HMGN3: variants seen among roughly 807,000 people sequenced by gnomAD.
HMGN3 encodes the protein high mobility group nucleosomal binding domain 3.
A neutral mutation model predicts 18.8 loss-of-function variants in HMGN3; 6 were observed. The observed-to-expected ratio is 0.32, with a 90% CI of 0.18 to 0.63. The LOEUF is 0.63. Ranked by LOEUF, HMGN3 falls within the 30% of genes least tolerant of loss-of-function variation. The pLI is 0.79. For synonymous variants in HMGN3, 40 were observed against 36.5 expected (o/e 1.10, Z -0.35); for missense variants, 107 against 114.2 (o/e 0.94, Z 0.29).
intron 1 of HMGN3, among the ~76,000 whole-genome samples, chr6:79,224,423 C>A (rs1777458629): frequency 6.6e-6 from 1 of 152,304 alleles, no homozygotes; most frequent in Non-Finnish European, 1.5e-5. Flanking sequence ...TATTCTCCAT[C>A]ATTCATGAGC....
intron 1 of HMGN3, among the ~76,000 whole-genome samples, chr6:79,217,277 G>A (rs1048205433): frequency 6.6e-5 from 10 of 152,122 alleles, no homozygotes; most frequent in African/African-American, 2.4e-4. Flanking sequence ...AATCTTTACC[G>A]GGGATCAGTG....
intron 3 of HMGN3, among the ~76,000 whole-genome samples, chr6:79,204,010 G>T (rs1776281778): frequency 6.6e-6 from 1 of 152,328 alleles, no homozygotes; most frequent in South Asian, 2.1e-4. Context: ...AGTTGCACTG[G>T]CCTTCCTAAC....
At chr6:79,211,446 G>A (rs1582411494) in intron 2 of HMGN3, among the ~76,000 whole-genome samples, 2 of 147,466 alleles carry the variant, frequency 1.4e-5, no homozygotes, top group South Asian at 2.2e-4. Flanking sequence ...GGAAAAAAAA[G>A]CTATTAAGAA....
rs75285311 is a variant in HMGN3, at chr6:79,228,088, G to A, written c.15+6458C>T. Among the ~76,000 whole-genome samples the A allele has an allele frequency of 3.6e-3, 547 of 152,234 alleles. 5 individuals carry two copies. The highest frequency in any genetic ancestry group is 0.012 in the African/African-American group (504 of 41,538). ...CCTTTTAACTGAACAACACTCTTTCGCAGTGTTTCTTCTTTGGACATTCAG... is the reference window on the plus strand; with the variant it reads ...CCTTTTAACTGAACAACACTCTTTCACAGTGTTTCTTCTTTGGACATTCAG... On this transcript the variant is annotated intron_variant, in intron 1 of 5. Transcript: ENST00000344726.
Position 79,214,982 on chromosome 6 carries a change from GT to G in HMGN3, c.55del (p.Thr19LeufsTer76). ...CAAAGATATACTTACCTCCTGTTTAGTTACTTTGGATCCATCTTTGCCCTCT... is the reference window on the plus strand; with the variant it reads ...CAAAGATATACTTACCTCCTGTTTAGTACTTTGGATCCATCTTTGCCCTCT... On this transcript the variant is annotated frameshift_variant, in exon 2 of 6. Transcript: ENST00000344726. LOFTEE classifies it high-confidence loss of function. 2.0e-6 allele frequency: 3 copies of G among 1,502,896 alleles called. No homozygotes were observed. Among genetic ancestry groups the G allele is most frequent in the Non-Finnish European group, 2.7e-6 (3 of 1,094,772 alleles). 93.1% of individuals were successfully genotyped at this position (1,502,896 alleles called of 1,614,324 possible). A position where few individuals can be genotyped will look rare whatever the true frequency, so the allele number is the denominator to read the frequency against.
chr6:79,232,171 G>A (rs1463818273), intron 1 of HMGN3, among the ~76,000 whole-genome samples: 2 of 152,148 alleles, frequency 1.3e-5, no homozygotes, highest in East Asian at 3.9e-4. Context: ...AAATGCTTTG[G>A]CAGTTACCCC....
At chr6:79,224,919 A>T (rs910740877) in intron 1 of HMGN3, among the ~76,000 whole-genome samples, 1 of 152,210 alleles carries the variant, frequency 6.6e-6, no homozygotes, top group South Asian at 2.1e-4. Context: ...TGCAAAACTA[A>T]TCAGCTGGCT....
intron 2 of HMGN3, among the ~76,000 whole-genome samples, chr6:79,212,555 G>T (rs1161083590): frequency 1.3e-5 from 2 of 152,180 alleles, no homozygotes; most frequent in Non-Finnish European, 2.9e-5. Context: ...GGAATAATCT[G>T]CCTTCCTCTC....
chr6:79,205,374 G>A (rs554674745), intron 3 of HMGN3, among the ~76,000 whole-genome samples: 8 of 152,284 alleles, frequency 5.3e-5, no homozygotes, highest in African/African-American at 1.9e-4. Flanking sequence ...GAATTATGGG[G>A]GTGGGTCTTT....
chr6:79,229,468 A>C (rs1777729889), intron 1 of HMGN3, among the ~76,000 whole-genome samples: 1 of 152,218 alleles, frequency 6.6e-6, no homozygotes, highest in Non-Finnish European at 1.5e-5. Flanking sequence ...CAGAAATATA[A>C]ATTAAAATTC....
intron 3 of HMGN3, among the ~76,000 whole-genome samples, chr6:79,207,774 GC>G: frequency 1.3e-5 from 2 of 152,216 alleles, no homozygotes; most frequent in Middle Eastern, 6.8e-3. Context: ...GACCAAAGTA[GC>G]ATGAAGCTTC....
chr6:79,203,471 GT>G (rs1476731310), intron 4 of HMGN3, 108 bp downstream of exon 4: 2 of 951,604 alleles, frequency 2.1e-6, no homozygotes, highest in African/African-American at 3.3e-5. Flanking sequence ...AGTGGTAATG[GT>G]TTCAGTTTGG....
At chr6:79,207,956 G>GT (rs1776499640) in intron 3 of HMGN3, among the ~76,000 whole-genome samples, 1 of 152,174 alleles carries the variant, frequency 6.6e-6, no homozygotes, top group Non-Finnish European at 1.5e-5. Flanking sequence ...ATAAGAACCA[G>GT]TAAGGAGCAC....
chr6:79,226,370 G>A lies in HMGN3; in HGVS notation c.15+8176C>T, dbSNP rs564646856. ...TTTCTCATATGTAAAATGAGAACGGGAAACGGACACACCTTACTGGGTGGT... is the reference window on the plus strand; with the variant it reads ...TTTCTCATATGTAAAATGAGAACGGAAAACGGACACACCTTACTGGGTGGT... On this transcript the variant is annotated intron_variant, in intron 1 of 5. Coordinates refer to ENST00000344726, the Ensembl canonical transcript of HMGN3. Among the ~76,000 whole-genome samples the A allele has an allele frequency of 6.4e-4, 97 of 152,234 alleles. 1 individual carries two copies. In the South Asian group the frequency reaches 0.011, roughly 17 times the overall value.
intron 1 of HMGN3, among the ~76,000 whole-genome samples, chr6:79,230,327 T>C (rs1582451358): frequency 6.6e-6 from 1 of 152,200 alleles, no homozygotes. Context: ...TGTGGAATGA[T>C]GGAAATGTTA....
intron 4 of HMGN3, 109 bp from the exon 5 acceptor site, chr6:79,202,498 C>T (rs1776196255): frequency 1.1e-6 from 1 of 900,774 alleles, no homozygotes; most frequent in Non-Finnish European, 1.8e-6. Context: ...CCGTTACCAT[C>T]ATGGTGGCCT....
Position 79,234,443 on chromosome 6 carries a change from C to G in HMGN3, c.15+103G>C, listed in dbSNP as rs576186797. 373 of 1,098,864 alleles carry G rather than the reference C, an allele frequency of 3.4e-4. 2 individuals carry two copies. Among genetic ancestry groups the G allele is most frequent in the Admixed American group, 3.7e-5 (2 of 54,370 alleles). The allele number at this position is 1,098,864 out of a possible 1,614,324, so 68.1% of individuals were successfully genotyped here. ...CGTGGAGGAGCAAAGATTCCCAATC[C>G]CCGGGTTACTACCGCGCGCGTTCTG... On this transcript the variant is annotated intron_variant, in intron 1 of 5. Coordinates refer to ENST00000344726, the Ensembl canonical transcript of HMGN3.
At chr6:79,201,913 G>C (rs1228919625) in intron 5 of HMGN3, 150 bp downstream of exon 6, 1 of 1,434,072 alleles carries the variant, frequency 7.0e-7, no homozygotes, top group Non-Finnish European at 9.1e-7. Context: ...CAAACACTTT[G>C]TTTCATTTAT....
intron 1 of HMGN3, among the ~76,000 whole-genome samples, chr6:79,233,243 ATT>A (rs1351219532): frequency 6.6e-6 from 1 of 152,202 alleles, no homozygotes; most frequent in Non-Finnish European, 1.5e-5. Context: ...TGCAAGTCAA[ATT>A]CTGCACAGCG....
Sources: allele counts gnomAD v4.1 joint callset (sites outside exome capture counted in the v4.1 genomes callset), GRCh38; gene constraint gnomAD v4.1.1; transcripts MANE v1.5; gene names NCBI Gene and HGNC (gene_info 2026-07-23, HGNC 2026-07-21).